Variants in ATXN10 observed in about 807,000 individuals in gnomAD.
ATXN10 encodes the protein ataxin 10, also known as ataxin-10.
A neutral mutation model predicts 52.9 loss-of-function variants in ATXN10; 28 were observed. That is an observed-to-expected ratio of 0.53 (90% CI 0.39 to 0.73). The LOEUF is 0.73. Among genes scored for constraint, ATXN10 ranks in the 30% least tolerant of loss-of-function variants. The probability of loss-of-function intolerance (pLI) is 0.00; values close to 1 mark genes in which losing one functional copy is unlikely to be tolerated. For missense variants in ATXN10, 565 were observed against 577.0 expected (o/e 0.98, Z 0.21); for synonymous variants, 226 against 221.5 (o/e 1.02, Z -0.18).
At chr22:45,830,254 T>C (rs1390213835) in intron 10 of ATXN10, among the ~76,000 whole-genome samples, 1 of 152,140 alleles carries the variant, frequency 6.6e-6, no homozygotes, top group Non-Finnish European at 1.5e-5. Flanking sequence ...TAGATGAAAA[T>C]ACAGAGCAGA....
At chr22:45,675,021 G>A (rs999012272) in intron 1 of ATXN10, 2 of 152,164 alleles carry the variant, frequency 1.3e-5, no homozygotes, top group Admixed American at 6.5e-5. Flanking sequence ...ACGGGATGAT[G>A]GTAGCCACTT....
rs1466243414 is a variant in ATXN10, at chr22:45,835,738, G to A, written c.1238-7253G>A. Among the ~76,000 whole-genome samples the A allele has an allele frequency of 6.6e-6, 1 of 152,184 alleles. No homozygotes were observed. The highest frequency in any genetic ancestry group is 1.5e-5 in the Non-Finnish European group (1 of 68,042). ...TTTTCCCTCCGGAAAGACTGAAACT[G>A]CTCTTTCTTATAGTGTGTATTAAAT... On this transcript the variant is annotated intron_variant, in intron 10 of 11. Coordinates refer to ENST00000252934, the MANE Select transcript of ATXN10 (RefSeq NM_013236.4). This position sits in a 1 kb window ranked among gnomAD's most constrained non-coding sequence, Gnocchi z 5.0.
In ATXN10 at chr22:45,816,937, C is replaced by T. The variant is rs979008990; in HGVS notation, c.1237+9915C>T. Among the ~76,000 whole-genome samples, 15 of 152,112 alleles carry T rather than the reference C, an allele frequency of 9.9e-5. No individual in the cohort carries two copies. Among genetic ancestry groups the T allele is most frequent in the Admixed American group, 8.5e-4 (13 of 15,286 alleles). ...GGTATCAGGCCTGCCAAACAGCAGC[C>T]GGAAGGAGGCTCCTCAGGGAAGTGT... On this transcript the variant is annotated intron_variant, in intron 10 of 11. Coordinates refer to ENST00000252934, the MANE Select transcript of ATXN10 (RefSeq NM_013236.4). This position sits in a 1 kb window ranked among gnomAD's most constrained non-coding sequence, Gnocchi z 5.8.
At chr22:45,737,690 CTTTTTTTTTTTT>C (rs544284810) in intron 7 of ATXN10, among the ~76,000 whole-genome samples, 2 of 123,238 alleles carry the variant, frequency 1.6e-5, no homozygotes, top group South Asian at 2.6e-4. Flanking sequence ...AATGTTATCT[CTTTTTTTTTTTT>C]TTTTTTTTTT....
rs998279818 is a variant in ATXN10, at chr22:45,844,368, C to T, written c.*697C>T. 1 of 152,680 alleles carries T rather than the reference C, an allele frequency of 6.5e-6. No individual in the cohort carries two copies. Among genetic ancestry groups the T allele is most frequent in the African/African-American group, 2.4e-5 (1 of 41,448 alleles). 9.5% of individuals were successfully genotyped at this position (152,680 alleles called of 1,614,324 possible). On this transcript the variant is annotated 3_prime_UTR_variant, in exon 12 of 12. Transcript: ENST00000252934. ...TCTGTGTCAAGGTGAATGCCTGTGT[C>T]CTCCCCAGCTTCATGCCTCTGTCAT...
rs991215500 is a variant in ATXN10 at position 45,754,611 on chromosome 22, G to A, written c.1173+14073G>A. Among the ~76,000 whole-genome samples, 1 of 152,184 alleles carries A rather than the reference G, an allele frequency of 6.6e-6. No individual in the cohort carries two copies. Among genetic ancestry groups the A allele is most frequent in the Non-Finnish European group, 1.5e-5 (1 of 68,034 alleles). ...CGCAAGCCTGTAATCCCAGCACTTTGGGAGGCCGAGGCCAGCGGATCACCT... is the reference window on the plus strand; with the variant it reads ...CGCAAGCCTGTAATCCCAGCACTTTAGGAGGCCGAGGCCAGCGGATCACCT... On this transcript the variant is annotated intron_variant, in intron 9 of 11. Coordinates refer to ENST00000252934, the MANE Select transcript of ATXN10 (RefSeq NM_013236.4). The surrounding 1 kb of genome is among the most constrained non-coding windows in gnomAD (Gnocchi z 5.4).
intron 7 of ATXN10, 100 bp from the exon 8 acceptor site, chr22:45,738,631 T>G: frequency 1.4e-5 from 15 of 1,061,980 alleles, no homozygotes; most frequent in Non-Finnish European, 1.8e-5. Flanking sequence ...CACAGACTCT[T>G]TAAATTTATT....
At chr22:45,703,250 A>C (rs550302449) in intron 5 of ATXN10, among the ~76,000 whole-genome samples, 21 of 152,300 alleles carry the variant, frequency 1.4e-4, no homozygotes, top group African/African-American at 4.3e-4. Context: ...ACTGCCATTC[A>C]AATTGCCCCC....
rs118084453 is a variant in ATXN10, at chr22:45,717,299, T to C, written c.648-1114T>C. 7.7e-4 allele frequency among the ~76,000 whole-genome samples: 118 copies of C among 152,324 alleles called. 4 individuals carry two copies. The East Asian group carries it at 0.022, about 28-fold the overall frequency. On this transcript the variant is annotated intron_variant, in intron 5 of 11. Coordinates refer to ENST00000252934, the MANE Select transcript of ATXN10 (RefSeq NM_013236.4). ...TCTGACTAAATATGGGTCTTTATTG[T>C]TTGGAGAATATATTTGGCAATATGG...
rs1174621108 is a variant in ATXN10 at position 45,784,810 on chromosome 22, T to C, written c.1174-22149T>C. 1.3e-5 allele frequency among the ~76,000 whole-genome samples: 2 copies of C among 152,160 alleles called. No homozygotes were observed. Among genetic ancestry groups the C allele is most frequent in the Non-Finnish European group, 2.9e-5 (2 of 68,030 alleles). ...TTATTTTTTTATTTTTTAAACACCGTGGGCAAGCTGATCAACAGTTTCCAG... is the reference window on the plus strand; with the variant it reads ...TTATTTTTTTATTTTTTAAACACCGCGGGCAAGCTGATCAACAGTTTCCAG... On this transcript the variant is annotated intron_variant, in intron 9 of 11. Coordinates refer to ENST00000252934, the MANE Select transcript of ATXN10 (RefSeq NM_013236.4). This position sits in a 1 kb window ranked among gnomAD's most constrained non-coding sequence, Gnocchi z 4.2.
rs548559030 is a variant in ATXN10 at position 45,774,897 on chromosome 22, G to A, written c.1174-32062G>A. 1.3e-5 allele frequency among the ~76,000 whole-genome samples: 2 copies of A among 152,146 alleles called. No homozygotes were observed. The highest frequency in any genetic ancestry group is 2.9e-5 in the Non-Finnish European group (2 of 68,036). On this transcript the variant is annotated intron_variant, in intron 9 of 11. Coordinates refer to ENST00000252934, the MANE Select transcript of ATXN10 (RefSeq NM_013236.4). This position sits in a 1 kb window ranked among gnomAD's most constrained non-coding sequence, Gnocchi z 6.2. Reference sequence around the variant, plus strand: ...GCAGGCTGCAGTGAGCCAAGATCACGCCAGTGCACGCCAGCCTGGGTGACA... The same window carrying A: ...GCAGGCTGCAGTGAGCCAAGATCACACCAGTGCACGCCAGCCTGGGTGACA...
At chr22:45,760,875 C>T (rs1555893527) in intron 9 of ATXN10, among the ~76,000 whole-genome samples, 1 of 152,028 alleles carries the variant, frequency 6.6e-6, no homozygotes, top group Non-Finnish European at 1.5e-5. Context: ...GATAAGAGCC[C>T]CAGTGTGCGG....
intron 3 of ATXN10, among the ~76,000 whole-genome samples, chr22:45,699,071 T>C (rs1230097825): frequency 6.6e-6 from 1 of 152,204 alleles, no homozygotes; most frequent in Non-Finnish European, 1.5e-5. Flanking sequence ...ACGAATATAT[T>C]ATGCCCATCA....
chr22:45,700,178 G>A, intron 3 of ATXN10, 104 bp from the exon 4 acceptor site: 1 of 861,416 alleles, frequency 1.2e-6, no homozygotes, highest in East Asian at 2.8e-5. Context: ...AAAGAAGCAA[G>A]CAGAAACTTT....
chr22:45,718,392 TTCC>T lies in ATXN10; in HGVS notation c.648-15_648-13del. ...TTACTATGTTTCAAGTAACCAAACT[TTCC>T]TCCTCTTTTTTCCCTAGGTTCTTGA... On this transcript the variant is annotated intron_variant, in intron 5 of 11. Coordinates refer to ENST00000252934, the MANE Select transcript of ATXN10 (RefSeq NM_013236.4). The surrounding 1 kb of genome is among the most constrained non-coding windows in gnomAD (Gnocchi z 4.4). The T allele has an allele frequency of 6.3e-7, 1 of 1,594,536 alleles. No homozygotes were observed. The highest frequency in any genetic ancestry group is 1.1e-5 in the South Asian group (1 of 90,666).
intron 9 of ATXN10, among the ~76,000 whole-genome samples, chr22:45,804,467 G>A (rs1331446211): frequency 6.6e-6 from 1 of 152,114 alleles, no homozygotes; most frequent in African/African-American, 2.4e-5. Context: ...AATAAGGATC[G>A]TTAATAGATT....
chr22:45,672,356 T>C, intron 1 of ATXN10, 177 bp downstream of exon 1: 1 of 633,402 alleles, frequency 1.6e-6, no homozygotes, highest in Non-Finnish European at 2.1e-6. Flanking sequence ...CGCCTCGTGC[T>C]CGTGGGTCCC....
chr22:45,800,724 G>A (rs1185956903), intron 9 of ATXN10, among the ~76,000 whole-genome samples: 3 of 152,146 alleles, frequency 2.0e-5, no homozygotes, highest in Admixed American at 6.5e-5. Context: ...TAAATAAATG[G>A]TAGTATATTC....
At position 45,688,355 on chromosome 22, in the gene ATXN10, A is replaced by C. The variant is rs1923229315; in HGVS notation, c.117-1357A>C. On this transcript the variant is annotated intron_variant, in intron 1 of 11. Coordinates refer to ENST00000252934, the MANE Select transcript of ATXN10 (RefSeq NM_013236.4). The surrounding 1 kb of genome is among the most constrained non-coding windows in gnomAD (Gnocchi z 4.0). ...CCAAGTTTGAGATACCTTAAAAAATAAATACGAGAAAAAGATAAGGGGGGA... is the reference window on the plus strand; with the variant it reads ...CCAAGTTTGAGATACCTTAAAAAATCAATACGAGAAAAAGATAAGGGGGGA... 6.6e-6 allele frequency among the ~76,000 whole-genome samples: 1 copy of C among 152,210 alleles called. No individual in the cohort carries two copies. Among genetic ancestry groups the C allele is most frequent in the African/African-American group, 2.4e-5 (1 of 41,452 alleles).
Sources: gnomAD v4.1 joint callset for allele counts (sites outside exome capture counted in the v4.1 genomes callset) on GRCh38, gnomAD v4.1.1 for gene constraint, Gnocchi (gnomAD v3.1) non-coding constraint, MANE v1.5 for transcripts, NCBI Gene and HGNC (gene_info 2026-07-23, HGNC 2026-07-21) for gene names.